The following GOT2 variants were observed in gnomAD, a reference collection of about 807,000 sequenced individuals.
GOT2 encodes the protein aspartate aminotransferase, mitochondrial.
Under a neutral mutation model 50.0 loss-of-function variants are expected in GOT2, and 17 were observed. That is an observed-to-expected ratio of 0.34 (90% CI 0.23 to 0.51). GOT2 has a LOEUF of 0.51. GOT2 is among the 20% of genes least tolerant of loss of function. The pLI is 0.97. For synonymous variants in GOT2, 172 were observed against 204.9 expected, an observed-to-expected ratio of 0.84 and a Z score of 1.37; for missense variants, 430 against 559.6, an observed-to-expected ratio of 0.77 and a Z score of 2.34.
chr16:58,712,945 C>G (rs1451911397), intron 8 of GOT2, among the ~76,000 whole-genome samples: 1 of 151,990 alleles, frequency 6.6e-6, no homozygotes, highest in Non-Finnish European at 1.5e-5. Flanking sequence ...ACTAAAAATA[C>G]AAAATTAGCT....
In GOT2 at chr16:58,707,138, T is replaced by A. The variant is rs531480347; in HGVS notation, c.*1033A>T. On this transcript the variant is annotated 3_prime_UTR_variant, in exon 10 of 10. Coordinates refer to ENST00000245206, the MANE Select transcript of GOT2 (RefSeq NM_002080.4). ...TAACTTAGTAGACAGTAGTTGGGTC[T>A]ACAGTAATTTTATTGTAACAGAGAA... The A allele has an allele frequency of 1.3e-4, 20 of 152,326 alleles. No individual in the cohort carries two copies. Among genetic ancestry groups the A allele is most frequent in the Non-Finnish European group, 2.6e-4 (18 of 68,038 alleles). The allele number at this position is 152,326 out of a possible 1,614,324, so 9.4% of individuals were successfully genotyped here. A position where few individuals can be genotyped will look rare whatever the true frequency, so the allele number is the denominator to read the frequency against.
intron 1 of GOT2, among the ~76,000 whole-genome samples, chr16:58,728,952 G>A (rs2044809791): frequency 6.6e-6 from 1 of 152,154 alleles, no homozygotes; most frequent in East Asian, 1.9e-4. Context: ...CTCCCAAAGT[G>A]CTGGGATTAC....
chr16:58,707,165 C>T lies in GOT2; in HGVS notation c.*1006G>A, dbSNP rs1295318812. The T allele has an allele frequency of 1.3e-5, 2 of 152,100 alleles. No individual in the cohort carries two copies. Among genetic ancestry groups the T allele is most frequent in the Non-Finnish European group, 2.9e-5 (2 of 68,050 alleles). The allele number at this position is 152,100 out of a possible 1,614,324, so 9.4% of individuals were successfully genotyped here. A position where few individuals can be genotyped will look rare whatever the true frequency, so the allele number is the denominator to read the frequency against. On this transcript the variant is annotated 3_prime_UTR_variant, in exon 10 of 10. Coordinates refer to ENST00000245206, the MANE Select transcript of GOT2 (RefSeq NM_002080.4). ...CAGTAATTTTATTGTAACAGAGAAA[C>T]CAGGCCGCAATAAGTCTACATGGTT...
chr16:58,723,703 A>G (rs1363160174), intron 2 of GOT2, 43 bp downstream of exon 2: 91 of 1,536,888 alleles, frequency 5.9e-5, no homozygotes, highest in Non-Finnish European at 7.8e-5. Flanking sequence ...GGCTCTCTTC[A>G]GTTTATTCAT....
intron 1 of GOT2, among the ~76,000 whole-genome samples, chr16:58,726,896 G>C (rs1373792082): frequency 2.0e-5 from 3 of 151,862 alleles, no homozygotes; most frequent in Non-Finnish European, 4.4e-5. Flanking sequence ...GCTCACGCCT[G>C]CAATCCCAGC....
chr16:58,717,865 G>T (rs563507532), intron 6 of GOT2, among the ~76,000 whole-genome samples: 8 of 152,154 alleles, frequency 5.3e-5, no homozygotes, highest in African/African-American at 1.9e-4. Context: ...TAATTTTGTA[G>T]TTTTAGTAGA....
chr16:58,708,843 A>G (rs1304832570), intron 9 of GOT2, among the ~76,000 whole-genome samples: 1 of 88,276 alleles, frequency 1.1e-5, no homozygotes, highest in African/African-American at 4.5e-5. Context: ...CAGAGAGGTA[A>G]ACAACTAAAA....
intron 1 of GOT2, among the ~76,000 whole-genome samples, chr16:58,724,393 C>T (rs2044766469): frequency 6.6e-6 from 1 of 151,754 alleles, no homozygotes; most frequent in African/African-American, 2.4e-5. Context: ...AACAATTCTG[C>T]CTCAGCCTCC....
intron 8 of GOT2, among the ~76,000 whole-genome samples, chr16:58,712,017 T>C (rs530081569): frequency 3.3e-5 from 5 of 152,176 alleles, no homozygotes; most frequent in African/African-American, 4.8e-5. Flanking sequence ...TTCTGCATAA[T>C]GCACGTCCCA....
At chr16:58,725,202 C>A (rs956475753) in intron 1 of GOT2, among the ~76,000 whole-genome samples, 1 of 151,746 alleles carries the variant, frequency 6.6e-6, no homozygotes, top group Non-Finnish European at 1.5e-5. Context: ...GCAAACTCCG[C>A]CTCCTGGGTT....
chr16:58,709,300 AAACAAAAC>A (rs2044627216), intron 9 of GOT2, 109 bp downstream of exon 9: 1 of 937,226 alleles, frequency 1.1e-6, no homozygotes, highest in African/African-American at 1.7e-5. Flanking sequence ...AAACAAAACA[AAACAAAAC>A]AAAAAACCCG....
intron 1 of GOT2, among the ~76,000 whole-genome samples, chr16:58,729,926 T>A (rs1424245): frequency 0.64 from 96,235 of 151,044 alleles, 31,472 homozygotes; most frequent in Middle Eastern, 0.81. Flanking sequence ...AATTTTTTTT[T>A]TAAAAATGTA....
intron 3 of GOT2, 56 bp from the exon 4 acceptor site, chr16:58,719,311 A>G: frequency 3.5e-6 from 4 of 1,155,532 alleles, no homozygotes; most frequent in Non-Finnish European, 3.9e-6. Flanking sequence ...ACAGGCCCAG[A>G]CCCAGGGCCA....
chr16:58,729,068 A>G (rs1477966916), intron 1 of GOT2, among the ~76,000 whole-genome samples: 3 of 151,716 alleles, frequency 2.0e-5, no homozygotes, highest in Non-Finnish European at 4.4e-5. Context: ...CCCCCTCACT[A>G]GTGTTGGTGC....
rs774876997 is a variant in GOT2, at chr16:58,722,235, A to G, written c.290T>C (p.Leu97Pro). The G allele has an allele frequency of 3.1e-6, 5 of 1,613,258 alleles. No homozygotes were observed. In the South Asian group the frequency reaches 5.5e-5, roughly 18 times the overall value. Residue 97 changes from leucine (L) to proline (P), a missense_variant, in exon 3 of 10, where the codon CTG becomes CCG. Transcript: ENST00000245206. ...IAAKNLDKEY[L>P]PIGGLAEFCK... is the part of the protein sequence containing the mutation. ...AAATTCAGCCAGTCCCCCAATGGGC[A>G]GGTATTCCTTGTCCAAATTTTTTGC...
At chr16:58,709,619 T>A (rs374729073) in intron 8 of GOT2, 52 bp from the exon 9 acceptor site, 14 of 1,525,994 alleles carry the variant, frequency 9.2e-6, no homozygotes, top group Non-Finnish European at 1.3e-5. Flanking sequence ...CTGACCGATA[T>A]GCTGGAGTTC....
At position 58,718,134 on chromosome 16, in the gene GOT2, A is replaced by G; in HGVS notation, c.702+62T>C. 4 of 1,162,924 alleles carry G rather than the reference A, an allele frequency of 3.4e-6. No individual in the cohort carries two copies. The East Asian group carries it at 7.0e-5, about 20-fold the overall frequency. 72.0% of individuals were successfully genotyped at this position (1,162,924 alleles called of 1,614,324 possible). A position where few individuals can be genotyped will look rare whatever the true frequency, so the allele number is the denominator to read the frequency against. On this transcript the variant is annotated intron_variant, in intron 6 of 9. Coordinates refer to ENST00000245206, the MANE Select transcript of GOT2 (RefSeq NM_002080.4). ...AGACTCTCTGTTGAGACATTGCCAA[A>G]TTAAGCCTCCAAAGCTGGTTACTAA...
chr16:58,721,781 ATTTT>A (rs11333258), intron 3 of GOT2: 2 of 140,696 alleles, frequency 1.4e-5, no homozygotes, highest in South Asian at 2.3e-4. Flanking sequence ...TATTTCTTAA[ATTTT>A]TTTTTTTTTT....
chr16:58,722,223 C>T lies in GOT2; in HGVS notation c.302G>A (p.Gly101Glu), dbSNP rs769568197. Reference sequence around the variant, plus strand: ...AGATGCCTTGCAAAATTCAGCCAGTCCCCCAATGGGCAGGTATTCCTTGTC... The same window carrying T: ...AGATGCCTTGCAAAATTCAGCCAGTTCCCCAATGGGCAGGTATTCCTTGTC... ...NLDKEYLPIG[G>E]LAEFCKASAE... Residue 101 changes from glycine (G) to glutamate (E), a missense_variant, in exon 3 of 10, where the codon GGA (glycine) becomes GAA (glutamate). Gly to Glu is a moderately conservative substitution (Grantham distance 98). Transcript: ENST00000245206. The T allele has an allele frequency of 2.5e-6, 4 of 1,612,938 alleles. No individual in the cohort carries two copies. The highest frequency in any genetic ancestry group is 3.4e-6 in the Non-Finnish European group (4 of 1,179,888).
Sources: allele counts gnomAD v4.1 joint callset (sites outside exome capture counted in the v4.1 genomes callset), GRCh38; gene constraint gnomAD v4.1.1; transcripts MANE v1.5; gene names NCBI Gene and HGNC (gene_info 2026-07-23, HGNC 2026-07-21).